Variants in PRDM2 observed in about 807,000 individuals in gnomAD.
PRDM2 encodes PR/SET domain 2, also known as PR domain zinc finger protein 2.
Under a neutral mutation model 130.0 loss-of-function variants are expected in PRDM2, and 30 were observed. That is an observed-to-expected ratio of 0.23 (90% CI 0.17 to 0.31). The LOEUF (loss-of-function observed/expected upper bound fraction) is 0.31. Ranked by LOEUF, PRDM2 falls within the 10% of genes least tolerant of loss-of-function variation. The pLI is 1.00. For missense variants in PRDM2, 2,011 were observed against 2,108.4 expected (o/e 0.95, Z 0.90); for synonymous variants, 871 against 782.4 (o/e 1.11, Z -1.89).
chr1:13,707,143 A>G (rs1642233790), intron 1 of PRDM2, among the ~76,000 whole-genome samples: 1 of 152,146 alleles, frequency 6.6e-6, no homozygotes, highest in Non-Finnish European at 1.5e-5. Flanking sequence ...CCCACCATTT[A>G]TGTGCAGGTT....
rs1425544956 is a variant in PRDM2 at position 13,806,046 on chromosome 1, T to C, written c.5037-10381T>C. Among the ~76,000 whole-genome samples the C allele has an allele frequency of 6.6e-6, 1 of 152,184 alleles. No individual in the cohort carries two copies. The highest frequency in any genetic ancestry group is 1.5e-5 in the Non-Finnish European group (1 of 68,028). On this transcript the variant is annotated intron_variant, in intron 8 of 9. Coordinates refer to ENST00000311066, the MANE Select transcript of PRDM2 (RefSeq NM_001393986.1). This position sits in a 1 kb window ranked among gnomAD's most constrained non-coding sequence, Gnocchi z 4.1. Reference sequence around the variant, plus strand: ...CTCACTTTCAGGGTTTTGGCTCTTCTTGAGGAGCCATCAAACCAAGGTTAT... The same window carrying C: ...CTCACTTTCAGGGTTTTGGCTCTTCCTGAGGAGCCATCAAACCAAGGTTAT...
At chr1:13,793,335 G>A (rs918921087) in intron 8 of PRDM2, among the ~76,000 whole-genome samples, 4 of 152,232 alleles carry the variant, frequency 2.6e-5, no homozygotes, top group South Asian at 4.1e-4. Flanking sequence ...GACAGTGGAC[G>A]CTTAATCCGC....
rs1170168301 is a variant in PRDM2 at position 13,771,706 on chromosome 1, G to C, written c.512-1372G>C. On this transcript the variant is annotated intron_variant, in intron 6 of 9. Coordinates refer to ENST00000311066, the MANE Select transcript of PRDM2 (RefSeq NM_001393986.1). This position sits in a 1 kb window ranked among gnomAD's most constrained non-coding sequence, Gnocchi z 4.1. ...GATTGTGCCACTGCACTCCAGCCTGGGCGACAGAGTGAGACTCCATCTCAA... is the reference window on the plus strand; with the variant it reads ...GATTGTGCCACTGCACTCCAGCCTGCGCGACAGAGTGAGACTCCATCTCAA... 2 of 152,138 alleles carry C rather than the reference G, an allele frequency of 1.3e-5. No homozygotes were observed. 9.4% of individuals were successfully genotyped at this position (152,138 alleles called of 1,614,324 possible). A position where few individuals can be genotyped will look rare whatever the true frequency, so the allele number is the denominator to read the frequency against.
At chr1:13,750,777 T>C (rs1377044634) in intron 6 of PRDM2, among the ~76,000 whole-genome samples, 1 of 133,140 alleles carries the variant, frequency 7.5e-6, no homozygotes, top group East Asian at 2.0e-4. Flanking sequence ...AAATTCCCAG[T>C]TTTTTTTTTT....
At chr1:13,742,357 A>G (rs958438200) in intron 5 of PRDM2, among the ~76,000 whole-genome samples, 200 bp downstream of exon 5, 1 of 152,088 alleles carries the variant, frequency 6.6e-6, no homozygotes, top group Non-Finnish European at 1.5e-5. Flanking sequence ...ACATGCCACC[A>G]CACCCGGCTG....
chr1:13,711,040 G>C (rs919774384), intron 1 of PRDM2, among the ~76,000 whole-genome samples: 2 of 150,460 alleles, frequency 1.3e-5, no homozygotes, highest in Non-Finnish European at 2.9e-5. Flanking sequence ...AGCTGAGATC[G>C]TGCCACTGCA....
Position 13,773,197 on chromosome 1 carries a change from G to A in PRDM2, c.622+9G>A, listed in dbSNP as rs370382447. 10 of 1,504,934 alleles carry A rather than the reference G, an allele frequency of 6.6e-6. No individual in the cohort carries two copies. The South Asian group carries it at 9.2e-5, about 14-fold the overall frequency. The allele number at this position is 1,504,934 out of a possible 1,614,324, so 93.2% of individuals were successfully genotyped here. A position where few individuals can be genotyped will look rare whatever the true frequency, so the allele number is the denominator to read the frequency against. Reference sequence around the variant, plus strand: ...GAGAGATTCTGCAGAAGGTAAGCTTGTGATATTGGCTTGGTCTGAATTGGG... The same window carrying A: ...GAGAGATTCTGCAGAAGGTAAGCTTATGATATTGGCTTGGTCTGAATTGGG... On this transcript the variant is annotated intron_variant, in intron 7 of 9. Coordinates refer to ENST00000311066, the MANE Select transcript of PRDM2 (RefSeq NM_001393986.1).
chr1:13,804,128 A>C (rs540646964), intron 8 of PRDM2, among the ~76,000 whole-genome samples: 3 of 152,244 alleles, frequency 2.0e-5, no homozygotes, highest in Admixed American at 6.5e-5. Context: ...AGGGTATAAC[A>C]GCCCATCTGC....
rs149091717 is a variant in PRDM2 at position 13,755,006 on chromosome 1, C to G, written c.511+5519C>G. 2.8e-3 allele frequency among the ~76,000 whole-genome samples: 429 copies of G among 152,130 alleles called. 1 individual carries two copies. The highest frequency in any genetic ancestry group is 4.2e-3 in the Admixed American group (64 of 15,282). Reference sequence around the variant, plus strand: ...GGTGCCTTTGCTGAGCATTGAATGTCCCGTCTCTGGTGGTTGCCTGCCAGG... The same window carrying G: ...GGTGCCTTTGCTGAGCATTGAATGTGCCGTCTCTGGTGGTTGCCTGCCAGG... On this transcript the variant is annotated intron_variant, in intron 6 of 9. Coordinates refer to ENST00000311066, the MANE Select transcript of PRDM2 (RefSeq NM_001393986.1).
At chr1:13,704,187 T>C (rs1248850311) in intron 1 of PRDM2, among the ~76,000 whole-genome samples, 1 of 152,254 alleles carries the variant, frequency 6.6e-6, no homozygotes, top group Non-Finnish European at 1.5e-5. Context: ...GGTGGTTTTC[T>C]GAATTACAGA....
At chr1:13,787,198 T>C (rs1644759598) in intron 8 of PRDM2, 3 of 983,734 alleles carry the variant, frequency 3.0e-6, no homozygotes, top group Non-Finnish European at 3.6e-6. Context: ...CAGATTCTTA[T>C]CTGGCACTAA....
chr1:13,700,261 C>G lies in PRDM2; in HGVS notation c.-105C>G, dbSNP rs1642024303. 6.6e-6 allele frequency: 1 copy of G among 151,076 alleles called. No individual in the cohort carries two copies. Among genetic ancestry groups the G allele is most frequent in the South Asian group, 1.8e-4 (1 of 5,674 alleles). The allele number at this position is 151,076 out of a possible 1,614,324, so 9.4% of individuals were successfully genotyped here. A position where few individuals can be genotyped will look rare whatever the true frequency, so the allele number is the denominator to read the frequency against. ...GCCGGCGAAACAGCGGCGGCGGCGG[C>G]GGCCCTCGGTGCTCTGAGGCGCTGG... is the stretch of plus-strand genomic sequence containing the variant. On this transcript the variant is annotated 5_prime_UTR_variant, in exon 1 of 10. Transcript: ENST00000311066.
chr1:13,797,046 C>T (rs1004401349), intron 8 of PRDM2, among the ~76,000 whole-genome samples: 1 of 152,176 alleles, frequency 6.6e-6, no homozygotes, highest in Non-Finnish European at 1.5e-5. Flanking sequence ...CATCCTATGT[C>T]CTTTAATTTA....
intron 8 of PRDM2, among the ~76,000 whole-genome samples, chr1:13,804,665 A>G (rs977319342): frequency 5.3e-5 from 8 of 152,162 alleles, no homozygotes; most frequent in African/African-American, 1.9e-4. Flanking sequence ...GCCTGCAAAG[A>G]CACCTTTTAA....
chr1:13,811,414 G>A (rs1414911125), intron 8 of PRDM2, among the ~76,000 whole-genome samples: 5 of 152,156 alleles, frequency 3.3e-5, no homozygotes, highest in African/African-American at 1.2e-4. Context: ...GCATCCCCTT[G>A]TAACTGGAGG....
intron 6 of PRDM2, among the ~76,000 whole-genome samples, chr1:13,755,008 C>T (rs1192451667): frequency 2.6e-5 from 4 of 152,010 alleles, no homozygotes; most frequent in African/African-American, 7.3e-5. Flanking sequence ...TTGAATGTCC[C>T]GTCTCTGGTG....
At chr1:13,768,209 C>T (rs1009598269) in intron 6 of PRDM2, among the ~76,000 whole-genome samples, 11 of 150,618 alleles carry the variant, frequency 7.3e-5, no homozygotes, top group African/African-American at 2.7e-4. Context: ...TCCCAAGTAG[C>T]TGGGACTATA....
At chr1:13,752,078 G>A (rs552502208) in intron 6 of PRDM2, among the ~76,000 whole-genome samples, 164 of 152,132 alleles carry the variant, frequency 1.1e-3, no homozygotes, top group African/African-American at 3.4e-3. Context: ...AAGCAGCGGC[G>A]ACTCTTCTTA....
At chr1:13,713,761 G>A (rs979091454) in intron 1 of PRDM2, among the ~76,000 whole-genome samples, 2 of 152,150 alleles carry the variant, frequency 1.3e-5, no homozygotes, top group Admixed American at 6.5e-5. Context: ...AAGGTGTCAC[G>A]CAGGGCCACC....
Sources: allele counts gnomAD v4.1 joint callset (sites outside exome capture counted in the v4.1 genomes callset), GRCh38; gene constraint gnomAD v4.1.1; non-coding constraint Gnocchi (gnomAD v3.1); transcripts MANE v1.5; gene names NCBI Gene and HGNC (gene_info 2026-07-23, HGNC 2026-07-21).